The following ADAP1 variants were observed in gnomAD, a reference collection of about 807,000 sequenced individuals.
The protein encoded by ADAP1 is ArfGAP with dual PH domains 1, also known as arf-GAP with dual PH domain-containing protein 1.
In ADAP1, 31 loss-of-function variants were observed where a neutral mutation model predicts 54.9. The observed-to-expected ratio is 0.56, with a 90% CI of 0.42 to 0.76. The LOEUF (loss-of-function observed/expected upper bound fraction) is 0.76, where lower values mean the gene tolerates loss of function less well. ADAP1 is among the 30% of genes least tolerant of loss of function. The pLI is 0.00. For missense variants in ADAP1, 535 were observed against 512.4 expected, an observed-to-expected ratio of 1.04 and a Z score of -0.42; for synonymous variants, 313 against 202.6, an observed-to-expected ratio of 1.55 and a Z score of -4.63.
intron 3 of ADAP1, among the ~76,000 whole-genome samples, chr7:925,361 T>TA (rs5881885): frequency 5.3e-4 from 59 of 111,326 alleles, no homozygotes; most frequent in South Asian, 1.3e-3. Context: ...TCTCTATATT[T>TA]AAAAAAAAAA....
chr7:949,069 C>A (rs1268596569), intron 1 of ADAP1, among the ~76,000 whole-genome samples: 5 of 152,368 alleles, frequency 3.3e-5, no homozygotes, highest in African/African-American at 7.2e-5. Flanking sequence ...GTCTTTGTCT[C>A]CCCACCAAGG....
At chr7:940,975 A>C (rs868071470) in intron 1 of ADAP1, among the ~76,000 whole-genome samples, 1 of 152,336 alleles carries the variant, frequency 6.6e-6, no homozygotes, top group Non-Finnish European at 1.5e-5. Flanking sequence ...AATTTGATAT[A>C]GAGGATTCAA....
At chr7:951,738 AAAG>A (rs1847276527) in intron 1 of ADAP1, among the ~76,000 whole-genome samples, 1 of 152,210 alleles carries the variant, frequency 6.6e-6, no homozygotes, top group Admixed American at 6.5e-5. Context: ...TTAAAATAAA[AAAG>A]AACAAAAGAG....
At chr7:906,442 GGAGAAA>G (rs1845341344) in intron 4 of ADAP1, among the ~76,000 whole-genome samples, 1 of 142,452 alleles carries the variant, frequency 7.0e-6, no homozygotes, top group African/African-American at 2.5e-5. Context: ...AAAGGAGAAA[GGAGAAA>G]GGAGAAAGGG....
chr7:939,694 G>A (rs561638110), intron 1 of ADAP1, among the ~76,000 whole-genome samples: 1 of 152,072 alleles, frequency 6.6e-6, no homozygotes, highest in South Asian at 2.1e-4. Context: ...AGCCGGGCGT[G>A]GTGGCGGGTG....
intron 4 of ADAP1, among the ~76,000 whole-genome samples, chr7:912,350 G>A (rs1320016731): frequency 1.3e-5 from 2 of 152,204 alleles, no homozygotes; most frequent in Admixed American, 1.3e-4. Flanking sequence ...CCAGCCCGCG[G>A]TGGGAGCAGC....
intron 2 of ADAP1, among the ~76,000 whole-genome samples, chr7:928,298 T>G (rs538785988): frequency 1.6e-4 from 25 of 152,032 alleles, no homozygotes; most frequent in African/African-American, 6.0e-4. Context: ...GCCCAAGAGG[T>G]CAAGGCTATG....
rs1379339594 is a variant in ADAP1, at chr7:927,342, G to A, written c.214-698C>T. 1.0e-5 allele frequency: 9 copies of A among 897,984 alleles called. No individual in the cohort carries two copies. In the Admixed American group the frequency reaches 1.7e-4, roughly 17 times the overall value. The allele number at this position is 897,984 out of a possible 1,614,324, so 55.6% of individuals were successfully genotyped here. A position where few individuals can be genotyped will look rare whatever the true frequency, so the allele number is the denominator to read the frequency against. ...GGCCCTGAGGGTGGACGCTGGCAATGACCCTGCCGCCAGCCAGGTATGGTG... is the reference window on the plus strand; with the variant it reads ...GGCCCTGAGGGTGGACGCTGGCAATAACCCTGCCGCCAGCCAGGTATGGTG... On this transcript the variant is annotated intron_variant, in intron 2 of 10. Coordinates refer to ENST00000265846, the MANE Select transcript of ADAP1 (RefSeq NM_006869.4).
chr7:952,296 C>T (rs937891158), intron 1 of ADAP1, among the ~76,000 whole-genome samples: 3 of 152,218 alleles, frequency 2.0e-5, no homozygotes, highest in Non-Finnish European at 2.9e-5. Context: ...TCCACCCCAG[C>T]AGCCCCAGGC....
In ADAP1 at chr7:935,272, C is replaced by T. The variant is rs144589538; in HGVS notation, c.213+103G>A. 2.0e-4 allele frequency: 299 copies of T among 1,462,328 alleles called. 3 individuals are homozygous for T. The East Asian group carries it at 7.4e-3, about 36-fold the overall frequency. 90.6% of individuals were successfully genotyped at this position (1,462,328 alleles called of 1,614,324 possible). A position where few individuals can be genotyped will look rare whatever the true frequency, so the allele number is the denominator to read the frequency against. On this transcript the variant is annotated intron_variant, in intron 2 of 10. Coordinates refer to ENST00000265846, the MANE Select transcript of ADAP1 (RefSeq NM_006869.4). Reference sequence around the variant, plus strand: ...GCCAGGCCCCCAGAGTAGCCCAAGGCTCCAGGGGCCACAGCCAGGCCGCCC... The same window carrying T: ...GCCAGGCCCCCAGAGTAGCCCAAGGTTCCAGGGGCCACAGCCAGGCCGCCC...
intron 3 of ADAP1, among the ~76,000 whole-genome samples, chr7:923,668 G>A (rs554614180): frequency 3.3e-5 from 5 of 152,220 alleles, no homozygotes; most frequent in South Asian, 4.1e-4. Flanking sequence ...CACGGTGCTC[G>A]ACCTGCCTGG....
chr7:920,103 C>G lies in ADAP1; in HGVS notation c.306-53G>C. 6.5e-7 allele frequency: 1 copy of G among 1,536,438 alleles called. No individual in the cohort carries two copies. The highest frequency in any genetic ancestry group is 8.9e-7 in the Non-Finnish European group (1 of 1,127,256). On this transcript the variant is annotated intron_variant, in intron 3 of 10. Coordinates refer to ENST00000265846, the MANE Select transcript of ADAP1 (RefSeq NM_006869.4). This position sits in a 1 kb window ranked among gnomAD's most constrained non-coding sequence, Gnocchi z 4.5. ...TGGGCCAAGGCGGCCTCCGACCCAG[C>G]ACACGCCGCTCTCTGGCCCGGACCC...
intron 4 of ADAP1, among the ~76,000 whole-genome samples, chr7:906,689 G>GGGAT (rs1845418052): frequency 1.4e-4 from 7 of 51,124 alleles, no homozygotes; most frequent in African/African-American, 6.0e-4. Context: ...AGGGGACACG[G>GGGAT]GGGACATGGA....
At chr7:935,324 C>A in intron 2 of ADAP1, 51 bp downstream of exon 2, 1 of 1,536,848 alleles carries the variant, frequency 6.5e-7, no homozygotes. Context: ...GAGGCCCGGG[C>A]TGAGGCCACC....
In ADAP1 at chr7:906,513, A is replaced by G. The variant is rs867708204; in HGVS notation, c.389-1341T>C. Among the ~76,000 whole-genome samples the G allele has an allele frequency of 2.7e-3, 71 of 26,458 alleles. 3 individuals are homozygous for G. Among genetic ancestry groups the G allele is most frequent in the African/African-American group, 5.1e-3 (40 of 7,896 alleles). 17.4% of individuals were successfully genotyped at this position (26,458 alleles called of 152,430 possible). Reference sequence around the variant, plus strand: ...AAGGGAAAGGAGAAAGGGAGAAAGGAGAAAGGAGAAAGGGAAAGGAGAAAG... The same window carrying G: ...AAGGGAAAGGAGAAAGGGAGAAAGGGGAAAGGAGAAAGGGAAAGGAGAAAG... On this transcript the variant is annotated intron_variant, in intron 4 of 10. Coordinates refer to ENST00000265846, the MANE Select transcript of ADAP1 (RefSeq NM_006869.4).
chr7:900,661 C>CGCTGGGGTCCCCACAGCGGG, intron 6 of ADAP1, 45 bp from the exon 7 acceptor site: 1 of 1,443,280 alleles, frequency 6.9e-7, no homozygotes, highest in Non-Finnish European at 9.5e-7. Flanking sequence ...GAGGCTGCAG[C>CGCTGGGGTCCCCACAGCGGG]GCTGGGGTCC....
chr7:901,220 G>C (rs560274824), intron 6 of ADAP1: 1 of 358,370 alleles, frequency 2.8e-6, no homozygotes, highest in African/African-American at 2.1e-5. Flanking sequence ...GCCCCACGTC[G>C]GGTGCCCTCT....
In ADAP1 at chr7:930,590, G is replaced by T. The variant is rs955886483; in HGVS notation, c.214-3946C>A. Among the ~76,000 whole-genome samples, 9 of 151,564 alleles carry T rather than the reference G, an allele frequency of 5.9e-5. No homozygotes were observed. In the South Asian group the frequency reaches 6.3e-4, roughly 11 times the overall value. On this transcript the variant is annotated intron_variant, in intron 2 of 10. Transcript: ENST00000265846. The stretch of plus-strand genomic sequence containing the variant: ...TCCCAGAACTTTGGGAGGCCGAGGG[G>T]GATGGATCACCTGAGGCCAAGAGTT...
In ADAP1 at chr7:899,171, G is replaced by A; in HGVS notation, c.958C>T (p.His320Tyr). The A allele has an allele frequency of 1.2e-6, 2 of 1,612,040 alleles. No homozygotes were observed. Among genetic ancestry groups the A allele is most frequent in the Non-Finnish European group, 1.7e-6 (2 of 1,179,962 alleles). The stretch of plus-strand genomic sequence containing the variant: ...ACGATGGTGATGCCATGTGGCCAGT[G>A]GTGGCCCTGGGTGGACGGCGGGAAC... Reference protein sequence around the residue: ...HGFPPSTQGHHWPHGITIVTP... With the variant: ...HGFPPSTQGHYWPHGITIVTP... Residue 320 changes from histidine (H) to tyrosine (Y), a missense_variant, in exon 10 of 11, where the codon CAC becomes TAC. Physicochemically the swap from His to Tyr is moderately conservative, Grantham distance 83. Coordinates refer to ENST00000265846, the MANE Select transcript of ADAP1 (RefSeq NM_006869.4).
Sources: allele counts gnomAD v4.1 joint callset (sites outside exome capture counted in the v4.1 genomes callset), GRCh38; gene constraint gnomAD v4.1.1; non-coding constraint Gnocchi (gnomAD v3.1); transcripts MANE v1.5; gene names NCBI Gene and HGNC (gene_info 2026-07-23, HGNC 2026-07-21).